The following MTHFD2 variants were observed in gnomAD, a reference collection of about 807,000 sequenced individuals.
MTHFD2 encodes the protein methylenetetrahydrofolate dehydrogenase (NADP+ dependent) 2, methenyltetrahydrofolate cyclohydrolase, also known as bifunctional methylenetetrahydrofolate dehydrogenase/cyclohydrolase, mitochondrial.
In MTHFD2, 26 loss-of-function variants were observed where a neutral mutation model predicts 36.8. That is an observed-to-expected ratio of 0.71 (90% CI 0.52 to 0.98). The LOEUF is 0.98. MTHFD2 is among the 50% of genes least tolerant of loss of function. The pLI is 0.00. For missense variants in MTHFD2, 373 were observed against 434.0 expected, an observed-to-expected ratio of 0.86 and a Z score of 1.25; for synonymous variants, 164 against 155.2, an observed-to-expected ratio of 1.06 and a Z score of -0.42.
chr2:74,201,864 C>A (rs1304994350), intron 1 of MTHFD2, among the ~76,000 whole-genome samples: 1 of 152,164 alleles, frequency 6.6e-6, no homozygotes, highest in East Asian at 1.9e-4. Flanking sequence ...TTGTGGGAAG[C>A]AGAGGAGGGC....
chr2:74,201,711 A>G (rs1694046022), intron 1 of MTHFD2, among the ~76,000 whole-genome samples: 3 of 152,196 alleles, frequency 2.0e-5, no homozygotes, highest in South Asian at 2.1e-4. Context: ...TATAGTTACA[A>G]TTTTGGATTC....
rs1572993976 is a variant in MTHFD2 at position 74,217,063 on chromosome 2, T to C, written c.*2821T>C. Reference sequence around the variant, plus strand: ...TCAAACACTTATTGAGAGCTTTCTATGGACCAGGCACTACACTAGACGCTG... The same window carrying C: ...TCAAACACTTATTGAGAGCTTTCTACGGACCAGGCACTACACTAGACGCTG... On this transcript the variant is annotated 3_prime_UTR_variant, in exon 8 of 8. Coordinates refer to ENST00000394053, the MANE Select transcript of MTHFD2 (RefSeq NM_006636.4). 1.3e-5 allele frequency: 2 copies of C among 152,246 alleles called. No individual in the cohort carries two copies. Among genetic ancestry groups the C allele is most frequent in the African/African-American group, 2.4e-5 (1 of 41,470 alleles). 9.4% of individuals were successfully genotyped at this position (152,246 alleles called of 1,614,324 possible).
chr2:74,203,855 AGTT>A (rs1694101895), intron 1 of MTHFD2, among the ~76,000 whole-genome samples: 2 of 54,424 alleles, frequency 3.7e-5, no homozygotes, highest in African/African-American at 2.9e-4. Flanking sequence ...AGTTTAGTTT[AGTT>A]TAGTTTAGTT....
chr2:74,203,100 G>A (rs750721521), intron 1 of MTHFD2, among the ~76,000 whole-genome samples: 4 of 151,910 alleles, frequency 2.6e-5, no homozygotes, highest in African/African-American at 7.2e-5. Flanking sequence ...TCCTGGGTTC[G>A]AGATATTCTC....
At chr2:74,213,405 T>C (rs1694354782) in intron 7 of MTHFD2, among the ~76,000 whole-genome samples, 1 of 151,032 alleles carries the variant, frequency 6.6e-6, no homozygotes, top group South Asian at 2.1e-4. Context: ...GCTTCCTGAG[T>C]AGCTGGGACT....
Position 74,205,870 on chromosome 2 carries a change from C to G in MTHFD2, c.267C>G (p.Thr89=). 2 of 1,613,568 alleles carry G rather than the reference C, an allele frequency of 1.2e-6. No individual in the cohort carries two copies. The highest frequency in any genetic ancestry group is 4.5e-5 in the East Asian group (2 of 44,800). The change falls in exon 2 of 8, where the codon ACC becomes ACG. Residue 89 remains threonine (T), a synonymous_variant. Transcript: ENST00000394053. Reference sequence around the variant, plus strand: ...GTCACTCCTATGTCCTCAACAAAACCAGGGCAGCTGCAGTTGTGGGTATGT... The same window carrying G: ...GTCACTCCTATGTCCTCAACAAAACGAGGGCAGCTGCAGTTGTGGGTATGT... ...PASHSYVLNK[T]RAAAVVGINS... is the part of the protein sequence containing the mutation.
Position 74,203,682 on chromosome 2 carries a change from C to A in MTHFD2, c.102-2023C>A, listed in dbSNP as rs377210944. ...ATCTTGAGAATTAATTTTATCTGAC[C>A]CTACAGGATATTCAGTACCTTGATG... On this transcript the variant is annotated intron_variant, in intron 1 of 7. Transcript: ENST00000394053. Among the ~76,000 whole-genome samples, 40 of 152,028 alleles carry A rather than the reference C, an allele frequency of 2.6e-4. 1 individual carries two copies. The East Asian group carries it at 5.2e-3, about 20-fold the overall frequency.
At chr2:74,212,263 CTTTTTTTTTTTTTT>C (rs398042480) in intron 7 of MTHFD2, among the ~76,000 whole-genome samples, 1 of 35,696 alleles carries the variant, frequency 2.8e-5, no homozygotes, top group South Asian at 1.0e-3. Context: ...GTTTCTTTCT[CTTTTTTTTTTTTTT>C]TTTTTTTTGA....
At chr2:74,212,182 T>TTCTC (rs1553449166) in intron 7 of MTHFD2, among the ~76,000 whole-genome samples, 20 of 128,138 alleles carry the variant, frequency 1.6e-4, no homozygotes, top group African/African-American at 5.5e-4. Context: ...CTTTCCTTCC[T>TTCTC]TCCCTCCATC....
At chr2:74,199,707 CAAAAAAA>C (rs34436782) in intron 1 of MTHFD2, among the ~76,000 whole-genome samples, 2 of 103,622 alleles carry the variant, frequency 1.9e-5, no homozygotes, top group Non-Finnish European at 4.0e-5. Flanking sequence ...GACCCTGTCT[CAAAAAAA>C]AAAAAAAAAA....
Position 74,214,371 on chromosome 2 carries a change from A to G in MTHFD2, c.*129A>G. 9.2e-7 allele frequency: 1 copy of G among 1,085,560 alleles called. No homozygotes were observed. The highest frequency in any genetic ancestry group is 1.3e-6 in the Non-Finnish European group (1 of 773,276). 67.2% of individuals were successfully genotyped at this position (1,085,560 alleles called of 1,614,324 possible). A position where few individuals can be genotyped will look rare whatever the true frequency, so the allele number is the denominator to read the frequency against. ...AAAATGATGCCTTGTATTTATTGAA[A>G]GCTTAAATGGGTGGGTGTTTCTGCA... On this transcript the variant is annotated 3_prime_UTR_variant, in exon 8 of 8. Transcript: ENST00000394053.
At chr2:74,206,560 C>G (rs73948708) in intron 2 of MTHFD2, 1 of 152,184 alleles carries the variant, frequency 6.6e-6, no homozygotes, top group Non-Finnish European at 1.5e-5. Flanking sequence ...GCCTTTCCTT[C>G]GAAGGGCTGT....
At position 74,207,786 on chromosome 2, in the gene MTHFD2, T is replaced by G; in HGVS notation, c.369T>G (p.Asp123Glu). Reference protein sequence around the residue: ...LLNLINKLNNDDNVDGLLVQL... With the variant: ...LLNLINKLNNEDNVDGLLVQL... ...ATTTAATCAATAAACTGAATAATGA[T>G]GATAATGTAGATGGCCTCCTTGTTC... The change falls in exon 3 of 8, where the codon GAT (aspartate) becomes GAG (glutamate). Residue 123 changes from aspartate (D) to glutamate (E), a missense_variant. This residue lies in a region of MTHFD2 where 308 missense variants were observed against 397.8 expected (regional missense o/e 0.77). Coordinates refer to ENST00000394053, the MANE Select transcript of MTHFD2 (RefSeq NM_006636.4). The G allele has an allele frequency of 6.2e-7, 1 of 1,600,818 alleles. No homozygotes were observed. The highest frequency in any genetic ancestry group is 8.5e-7 in the Non-Finnish European group (1 of 1,169,804).
chr2:74,205,689 CTGT>C lies in MTHFD2; in HGVS notation c.102-13_102-11del, dbSNP rs1189578621. 20 of 1,612,326 alleles carry C rather than the reference CTGT, an allele frequency of 1.2e-5. No homozygotes were observed. The Admixed American group carries it at 3.3e-4, about 27-fold the overall frequency. ...ATTCAAGTTATTTGGTTTTGTGACTCTGTTGCCTTCTGCAGAAATGAAGCTGTT... is the reference window on the plus strand; with the variant it reads ...ATTCAAGTTATTTGGTTTTGTGACTCTGCCTTCTGCAGAAATGAAGCTGTT... On this transcript the variant is annotated splice_polypyrimidine_tract_variant and intron_variant, in intron 1 of 7. Coordinates refer to ENST00000394053, the MANE Select transcript of MTHFD2 (RefSeq NM_006636.4).
chr2:74,209,970 T>G lies in MTHFD2; in HGVS notation c.591T>G (p.Val197=). 1 of 1,613,506 alleles carries G rather than the reference T, an allele frequency of 6.2e-7. No homozygotes were observed. The highest frequency in any genetic ancestry group is 8.5e-7 in the Non-Finnish European group (1 of 1,179,664). ...TGIPTLGKNV[V]VAGRSKNVGM... Reference sequence around the variant, plus strand: ...TTCCAACCCTAGGGAAGAATGTGGTTGTGGCTGGAAGGTCAAAAAACGTTG... The same window carrying G: ...TTCCAACCCTAGGGAAGAATGTGGTGGTGGCTGGAAGGTCAAAAAACGTTG... Residue 197 remains valine, a synonymous_variant, in exon 5 of 8, where the codon GTT becomes GTG. Transcript: ENST00000394053.
chr2:74,214,975 A>T lies in MTHFD2; in HGVS notation c.*733A>T, dbSNP rs560761650. 6.6e-6 allele frequency: 1 copy of T among 152,608 alleles called. No homozygotes were observed. Among genetic ancestry groups the T allele is most frequent in the African/African-American group, 2.4e-5 (1 of 41,448 alleles). The allele number at this position is 152,608 out of a possible 1,614,324, so 9.5% of individuals were successfully genotyped here. A position where few individuals can be genotyped will look rare whatever the true frequency, so the allele number is the denominator to read the frequency against. On this transcript the variant is annotated 3_prime_UTR_variant, in exon 8 of 8. Coordinates refer to ENST00000394053, the MANE Select transcript of MTHFD2 (RefSeq NM_006636.4). ...TTCTACATTATACATGTGTGTTGTCATATTTGGCTTTTGCTATATACTTTA... is the reference window on the plus strand; with the variant it reads ...TTCTACATTATACATGTGTGTTGTCTTATTTGGCTTTTGCTATATACTTTA...
rs918920515 is a variant in MTHFD2, at chr2:74,205,382, G to T, written c.102-323G>T. On this transcript the variant is annotated intron_variant, in intron 1 of 7. Coordinates refer to ENST00000394053, the MANE Select transcript of MTHFD2 (RefSeq NM_006636.4). The stretch of plus-strand genomic sequence containing the variant: ...GGGTGGTGTAGCAGTTAAGAGCCCA[G>T]ACTGATGTGAGACTCAGCTTGACCA... 3.3e-5 allele frequency among the ~76,000 whole-genome samples: 5 copies of T among 152,290 alleles called. No individual in the cohort carries two copies. The South Asian group carries it at 6.2e-4, about 19-fold the overall frequency.
chr2:74,207,008 G>A (rs1323962183), intron 2 of MTHFD2, among the ~76,000 whole-genome samples: 3 of 151,902 alleles, frequency 2.0e-5, no homozygotes, highest in Non-Finnish European at 2.9e-5. Flanking sequence ...GATTACAGGC[G>A]TGAGCCACTG....
rs771455420 is a variant in MTHFD2, at chr2:74,205,803, G to A, written c.200G>A (p.Arg67Gln). The change falls in exon 2 of 8, where the codon CGG becomes CAG. Residue 67 changes from arginine to glutamine, a missense_variant. By Grantham distance (43) the Arg-to-Gln change is conservative. This residue lies in a region of MTHFD2 where 308 missense variants were observed against 397.8 expected (regional missense o/e 0.77). Transcript: ENST00000394053. ...GAGTGGGTGGCCTCAGGCAACAAAC[G>A]GCCACACCTGAGTGTGATCCTGGTT... is the stretch of plus-strand genomic sequence containing the variant. ...VEEWVASGNK[R>Q]PHLSVILVGE... is the part of the protein sequence containing the mutation. The A allele has an allele frequency of 5.0e-6, 8 of 1,613,752 alleles. No individual in the cohort carries two copies. Among genetic ancestry groups the A allele is most frequent in the Admixed American group, 1.7e-5 (1 of 59,924 alleles).
Sources: allele counts gnomAD v4.1 joint callset (sites outside exome capture counted in the v4.1 genomes callset), GRCh38; gene constraint gnomAD v4.1.1; regional missense constraint gnomAD v4.1.1; transcripts MANE v1.5; gene names NCBI Gene and HGNC (gene_info 2026-07-23, HGNC 2026-07-21).